Variants in MECOM observed in about 807,000 individuals in gnomAD.
MECOM encodes MDS1 and EVI1 complex locus, also known as histone-lysine N-methyltransferase MECOM.
MECOM carries 13 observed loss-of-function variants against 116.3 expected under a neutral mutation model. That is an observed-to-expected ratio of 0.11 (90% CI 0.07 to 0.18). The LOEUF is 0.18. Ranked by LOEUF, MECOM falls within the 10% of genes least tolerant of loss-of-function variation. The pLI is 1.00. For synonymous variants in MECOM, 528 were observed against 535.2 expected, an observed-to-expected ratio of 0.99 and a Z score of 0.19; for missense variants, 1,299 against 1,509.0, an observed-to-expected ratio of 0.86 and a Z score of 2.31.
chr3:169,381,911 T>C (rs1159369665), intron 1 of MECOM, among the ~76,000 whole-genome samples: 1 of 152,178 alleles, frequency 6.6e-6, no homozygotes, highest in Non-Finnish European at 1.5e-5. Flanking sequence ...GATTCTAAAA[T>C]ATATTAGAAA....
intron 2 of MECOM, chr3:169,149,774 C>A (rs115546592): frequency 0.014 from 6,061 of 436,932 alleles, 77 homozygotes; most frequent in Non-Finnish European, 0.021. Context: ...ATGGAGAATT[C>A]ATTGCATCAT....
At chr3:169,188,278 T>A (rs754441883) in intron 2 of MECOM, among the ~76,000 whole-genome samples, 5 of 151,186 alleles carry the variant, frequency 3.3e-5, no homozygotes, top group Non-Finnish European at 7.4e-5. Context: ...CAGGATGAAA[T>A]GGGGGAATAC....
chr3:169,218,603 G>T (rs1335258821), intron 2 of MECOM, among the ~76,000 whole-genome samples: 1 of 152,102 alleles, frequency 6.6e-6, no homozygotes, highest in Admixed American at 6.6e-5. Context: ...TGTAACCTGT[G>T]GTCTCACACA....
At chr3:169,538,516 T>C (rs1383472174) in intron 1 of MECOM, among the ~76,000 whole-genome samples, 1 of 152,202 alleles carries the variant, frequency 6.6e-6, no homozygotes, top group Non-Finnish European at 1.5e-5. Flanking sequence ...ACAGAGACTG[T>C]AATATTTAAT....
In MECOM at chr3:169,145,477, T is replaced by A. The variant is rs1162213650; in HGVS notation, c.376-1645A>T. ...TGCTGGGTTTTGTTGGTTTGTTCAG[T>A]CTGTTTGGTTTCTGGTTGATCTTTT... is the stretch of plus-strand genomic sequence containing the variant. On this transcript the variant is annotated intron_variant, in intron 2 of 16. Coordinates refer to ENST00000651503, the MANE Select transcript of MECOM (RefSeq NM_004991.4). 1.3e-5 allele frequency: 3 copies of A among 231,728 alleles called. No individual in the cohort carries two copies. The Admixed American group carries it at 1.7e-4, about 13-fold the overall frequency. The allele number at this position is 231,728 out of a possible 1,614,324, so 14.4% of individuals were successfully genotyped here.
rs189051289 is a variant in MECOM at position 169,625,203 on chromosome 3, G to C, written c.37+38133C>G. Reference sequence around the variant, plus strand: ...AATTAATAGTGAGACTTATTTCTTAGAAGAACAATGATTTGCTTAGATTTT... The same window carrying C: ...AATTAATAGTGAGACTTATTTCTTACAAGAACAATGATTTGCTTAGATTTT... On this transcript the variant is annotated intron_variant, in intron 1 of 16. Transcript: ENST00000651503. 1.1e-4 allele frequency among the ~76,000 whole-genome samples: 16 copies of C among 152,198 alleles called. No homozygotes were observed. The East Asian group carries it at 1.7e-3, about 17-fold the overall frequency.
At chr3:169,308,670 T>C (rs186513970) in intron 2 of MECOM, among the ~76,000 whole-genome samples, 10 of 152,378 alleles carry the variant, frequency 6.6e-5, no homozygotes, top group Admixed American at 6.5e-4. Flanking sequence ...GCACATGCTA[T>C]TATTTTTTAT....
chr3:169,590,012 T>A (rs895556063), intron 1 of MECOM, among the ~76,000 whole-genome samples: 24 of 152,202 alleles, frequency 1.6e-4, no homozygotes, highest in African/African-American at 5.8e-4. Flanking sequence ...TTTCTTGGCA[T>A]CTTTGGACTC....
At chr3:169,318,066 C>A (rs1720081690) in intron 2 of MECOM, among the ~76,000 whole-genome samples, 2 of 152,218 alleles carry the variant, frequency 1.3e-5, no homozygotes, top group Middle Eastern at 3.4e-3. Context: ...AACTGGCAAG[C>A]CACATGTAGA....
chr3:169,483,449 C>A (rs1164919027), intron 1 of MECOM, among the ~76,000 whole-genome samples: 26 of 140,736 alleles, frequency 1.8e-4, no homozygotes, highest in Non-Finnish European at 3.3e-4. Flanking sequence ...GTAAAGTCAC[C>A]CTCTCCTTCT....
At chr3:169,647,700 T>C (rs1774358551) in intron 1 of MECOM, among the ~76,000 whole-genome samples, 1 of 152,212 alleles carries the variant, frequency 6.6e-6, no homozygotes, top group African/African-American at 2.4e-5. Context: ...TAATAAGAAA[T>C]TCTGTGTGTG....
At chr3:169,529,830 C>T (rs549474740) in intron 1 of MECOM, among the ~76,000 whole-genome samples, 12 of 152,308 alleles carry the variant, frequency 7.9e-5, no homozygotes, top group African/African-American at 2.6e-4. Context: ...CCTGCCTTCT[C>T]TTCATCTTCT....
intron 2 of MECOM, among the ~76,000 whole-genome samples, chr3:169,178,522 A>C (rs893205455): frequency 6.6e-6 from 1 of 152,158 alleles, no homozygotes; most frequent in African/African-American, 2.4e-5. Context: ...TGGGGAGGAC[A>C]ATGTATAGCC....
chr3:169,410,941 G>A (rs746274771), intron 1 of MECOM, among the ~76,000 whole-genome samples: 1 of 152,120 alleles, frequency 6.6e-6, no homozygotes, highest in Non-Finnish European at 1.5e-5. Context: ...GAAATGCTTA[G>A]TCTTCTATTT....
At chr3:169,091,634 C>T (rs73166183) in intron 14 of MECOM, among the ~76,000 whole-genome samples, 9,581 of 152,050 alleles carry the variant, frequency 0.063, 445 homozygotes, top group South Asian at 0.22. Context: ...CAGACAGACA[C>T]GCACACACAC....
At chr3:169,358,405 G>C (rs1297335728) in intron 2 of MECOM, among the ~76,000 whole-genome samples, 1 of 151,378 alleles carries the variant, frequency 6.6e-6, no homozygotes, top group African/African-American at 2.4e-5. Flanking sequence ...AGATAGACCA[G>C]TTTTCATTAC....
intron 1 of MECOM, among the ~76,000 whole-genome samples, chr3:169,442,959 T>A (rs571178714): frequency 1.3e-5 from 2 of 152,158 alleles, no homozygotes; most frequent in African/African-American, 2.4e-5. Flanking sequence ...CCTAGTCCAG[T>A]GTCTAACATT....
chr3:169,402,018 G>C (rs553723135), intron 1 of MECOM, among the ~76,000 whole-genome samples: 2 of 152,150 alleles, frequency 1.3e-5, no homozygotes, highest in African/African-American at 4.8e-5. Flanking sequence ...GAAAGCAGAT[G>C]GACCAGTCAG....
intron 1 of MECOM, among the ~76,000 whole-genome samples, chr3:169,502,476 G>C (rs1006126222): frequency 1.3e-5 from 2 of 151,870 alleles, no homozygotes; most frequent in Non-Finnish European, 2.9e-5. Context: ...ATTTTCTTTT[G>C]CCTAAGTTAG....
Sources: allele counts gnomAD v4.1 joint callset (sites outside exome capture counted in the v4.1 genomes callset), GRCh38; gene constraint gnomAD v4.1.1; transcripts MANE v1.5; gene names NCBI Gene and HGNC (gene_info 2026-07-23, HGNC 2026-07-21).